The following DCC variants were observed in gnomAD, a reference collection of about 807,000 sequenced individuals.
The protein encoded by DCC is netrin receptor DCC.
In DCC, 58 loss-of-function variants were observed where a neutral mutation model predicts 172.5. The ratio of observed to expected loss-of-function variants is 0.34; its 90% confidence interval spans 0.27 to 0.42. DCC has a LOEUF of 0.42. DCC is among the 10% of genes least tolerant of loss of function. The pLI is 1.00. For missense variants in DCC, 1,740 were observed against 1,791.0 expected, an observed-to-expected ratio of 0.97 and a Z score of 0.51; for synonymous variants, 709 against 644.5, an observed-to-expected ratio of 1.10 and a Z score of -1.52.
chr18:52,582,452 G>A (rs2033571318), intron 1 of DCC, among the ~76,000 whole-genome samples: 1 of 152,096 alleles, frequency 6.6e-6, no homozygotes, highest in African/African-American at 2.4e-5. Context: ...ATTTAGCCAG[G>A]GGAGTTCTTG....
intron 10 of DCC, among the ~76,000 whole-genome samples, chr18:53,206,238 A>G (rs2055629854): frequency 1.5e-5 from 2 of 137,668 alleles, no homozygotes; most frequent in Non-Finnish European, 1.5e-5. Context: ...TATATGTGTT[A>G]TACATAATAC....
chr18:52,903,984 C>A (rs958229039), intron 2 of DCC, among the ~76,000 whole-genome samples: 3 of 152,116 alleles, frequency 2.0e-5, no homozygotes, highest in African/African-American at 7.2e-5. Context: ...CGTTCTTCAC[C>A]CAGTGGTAGA....
chr18:53,408,966 A>G (rs1170651266), intron 19 of DCC, among the ~76,000 whole-genome samples: 1 of 152,202 alleles, frequency 6.6e-6, no homozygotes, highest in Non-Finnish European at 1.5e-5. Context: ...ATAAGGCACT[A>G]TGGGATTAAG....
chr18:52,745,358 G>A (rs1161604142), intron 1 of DCC, among the ~76,000 whole-genome samples: 1 of 152,180 alleles, frequency 6.6e-6, no homozygotes, highest in African/African-American at 2.4e-5. Context: ...AGATGTTTTG[G>A]AGCAAAGTTC....
chr18:52,849,111 G>GTGTGTT (rs896627672), intron 2 of DCC, among the ~76,000 whole-genome samples: 1 of 151,986 alleles, frequency 6.6e-6, no homozygotes, highest in African/African-American at 2.4e-5. Context: ...GTGTGTGTGT[G>GTGTGTT]TTCGTTCTAG....
rs765428849 is a variant in DCC at position 52,541,875 on chromosome 18, GTATATATA to G, written c.91+201011_91+201018del. On this transcript the variant is annotated intron_variant, in intron 1 of 28. Transcript: ENST00000442544. ...TTAAAAGTATATGATGTGTGTGTGT[GTATATATA>G]TATATATATATATGTGTATATATAT... 3.1e-3 allele frequency among the ~76,000 whole-genome samples: 360 copies of G among 115,188 alleles called. 9 individuals are homozygous for G. The highest frequency in any genetic ancestry group is 0.02 in the South Asian group (69 of 3,406). The allele number at this position is 115,188 out of a possible 152,430, so 75.6% of individuals were successfully genotyped here.
intron 15 of DCC, among the ~76,000 whole-genome samples, chr18:53,376,450 C>G (rs1907293505): frequency 6.6e-6 from 1 of 152,132 alleles, no homozygotes; most frequent in African/African-American, 2.4e-5. Context: ...CATGAGTTTG[C>G]TTTTTCTAAA....
chr18:53,378,102 C>G (rs1174699043), intron 15 of DCC, among the ~76,000 whole-genome samples: 1 of 152,128 alleles, frequency 6.6e-6, no homozygotes, highest in Non-Finnish European at 1.5e-5. Flanking sequence ...GCTGGGATTA[C>G]AGGCACGTGC....
In DCC at chr18:52,516,189, TA is replaced by T. The variant is rs112367101; in HGVS notation, c.91+175320del. Reference sequence around the variant, plus strand: ...CACTCTGAAAAACAGTTTGACAGGTTAAAAAAAAATTCAAATATCATACAGT... The same window carrying T: ...CACTCTGAAAAACAGTTTGACAGGTTAAAAAAAATTCAAATATCATACAGT... On this transcript the variant is annotated intron_variant, in intron 1 of 28. Transcript: ENST00000442544. Among the ~76,000 whole-genome samples, 93 of 151,712 alleles carry T rather than the reference TA, an allele frequency of 6.1e-4. 2 individuals carry two copies. The East Asian group carries it at 7.0e-3, about 11-fold the overall frequency.
chr18:53,533,150 C>T lies in DCC; in HGVS notation c.*2497C>T, dbSNP rs1188160115. On this transcript the variant is annotated 3_prime_UTR_variant, in exon 29 of 29. Coordinates refer to ENST00000442544, the MANE Select transcript of DCC (RefSeq NM_005215.4). ...TTTTGTATAACTCTGTTCCCTTTACCCTCAAATGATTCATATATGTATATA... is the reference window on the plus strand; with the variant it reads ...TTTTGTATAACTCTGTTCCCTTTACTCTCAAATGATTCATATATGTATATA... 6.6e-6 allele frequency: 1 copy of T among 152,078 alleles called. No homozygotes were observed. The highest frequency in any genetic ancestry group is 2.4e-5 in the African/African-American group (1 of 41,390). 9.4% of individuals were successfully genotyped at this position (152,078 alleles called of 1,614,324 possible). A position where few individuals can be genotyped will look rare whatever the true frequency, so the allele number is the denominator to read the frequency against.
intron 5 of DCC, among the ~76,000 whole-genome samples, chr18:52,980,664 GTACTAAA>G (rs2041195583): frequency 6.6e-6 from 1 of 151,836 alleles, no homozygotes; most frequent in African/African-American, 2.4e-5. Context: ...CATAAAATAA[GTACTAAA>G]TATTATGAAA....
chr18:53,097,054 G>A (rs1056795332), intron 7 of DCC, among the ~76,000 whole-genome samples: 1 of 152,040 alleles, frequency 6.6e-6, no homozygotes, highest in African/African-American at 2.4e-5. Context: ...AAGTCTTTAG[G>A]GTGTGATATT....
intron 1 of DCC, among the ~76,000 whole-genome samples, chr18:52,633,171 A>G (rs966627713): frequency 1.3e-5 from 2 of 150,290 alleles, no homozygotes; most frequent in East Asian, 1.9e-4. Flanking sequence ...CTGTCCTTCA[A>G]TTGAAGGTCT....
At chr18:53,264,793 C>A (rs887456406) in intron 12 of DCC, among the ~76,000 whole-genome samples, 3 of 151,948 alleles carry the variant, frequency 2.0e-5, no homozygotes, top group Non-Finnish European at 4.4e-5. Context: ...TGGAAAAAAT[C>A]AGAATGGACA....
intron 1 of DCC, among the ~76,000 whole-genome samples, chr18:52,406,645 C>G (rs1986662730): frequency 6.6e-6 from 1 of 152,072 alleles, no homozygotes; most frequent in Non-Finnish European, 1.5e-5. Flanking sequence ...AAAGGGCTAG[C>G]TAATCCTTTT....
chr18:52,754,910 G>A (rs2037055942), intron 2 of DCC, among the ~76,000 whole-genome samples: 3 of 152,180 alleles, frequency 2.0e-5, no homozygotes, highest in Non-Finnish European at 4.4e-5. Context: ...CCTCTACTCA[G>A]GAGACAGGCC....
At chr18:53,512,883 C>T (rs2046275577) in intron 27 of DCC, among the ~76,000 whole-genome samples, 1 of 152,166 alleles carries the variant, frequency 6.6e-6, no homozygotes, top group Non-Finnish European at 1.5e-5. Flanking sequence ...TTGGGAAACA[C>T]TCTGCAGGAT....
In DCC at chr18:53,305,703, C is replaced by G. The variant is rs868036709; in HGVS notation, c.2037C>G (p.Leu679=). The change falls in exon 13 of 29, where the codon CTC becomes CTG. Residue 679 remains leucine, a synonymous_variant. Coordinates refer to ENST00000442544, the MANE Select transcript of DCC (RefSeq NM_005215.4). The stretch of plus-strand genomic sequence containing the variant: ...TGGAAACACTGGAGCCAAACAACCT[C>G]TGGTACCTATTCACAGGTCAGTGTT... ...GEMETLEPNN[L]WYLFTGLEKG... 6.2e-7 allele frequency: 1 copy of G among 1,614,002 alleles called. No homozygotes were observed. The highest frequency in any genetic ancestry group is 1.7e-4 in the Middle Eastern group (1 of 6,060).
At chr18:53,137,332 A>C (rs985965679) in intron 7 of DCC, among the ~76,000 whole-genome samples, 3 of 152,146 alleles carry the variant, frequency 2.0e-5, no homozygotes, top group Non-Finnish European at 4.4e-5. Context: ...GCATGTGGCC[A>C]TAGGTCTGAG....
Sources: gnomAD v4.1 joint callset for allele counts (sites outside exome capture counted in the v4.1 genomes callset) on GRCh38, gnomAD v4.1.1 for gene constraint, MANE v1.5 for transcripts, NCBI Gene and HGNC (gene_info 2026-07-23, HGNC 2026-07-21) for gene names.